The following DNM2 variants were observed in gnomAD, a reference collection of about 807,000 sequenced individuals.
DNM2 encodes dynamin 2.
A neutral mutation model predicts 99.0 loss-of-function variants in DNM2; 15 were observed. The observed-to-expected ratio is 0.15, with a 90% CI of 0.10 to 0.23. The LOEUF (loss-of-function observed/expected upper bound fraction) is 0.23. Ranked by LOEUF, DNM2 falls within the 10% of genes least tolerant of loss-of-function variation. DNM2 has a pLI of 1.00. For missense variants in DNM2, 742 were observed against 1,189.4 expected (o/e 0.62, Z 5.53); for synonymous variants, 525 against 481.2 (o/e 1.09, Z -1.19).
chr19:10,805,882 G>C (rs374570588), intron 12 of DNM2, 34 bp from the exon 13 acceptor site: 19 of 1,613,828 alleles, frequency 1.2e-5, no homozygotes, highest in Non-Finnish European at 1.6e-5. Flanking sequence ...CCGGCATCTT[G>C]TCCACGTGAA....
Position 10,817,769 on chromosome 19 carries a change from G to A in DNM2, c.1672-2211G>A, listed in dbSNP as rs2146142042. ...AGGAGGAATGTCTGACTCTTTGGGG[G>A]TCGGGGGTGGGGAGGAGGGGCGCAC... On this transcript the variant is annotated intron_variant, in intron 15 of 20. Transcript: ENST00000389253. The surrounding 1 kb of genome is among the most constrained non-coding windows in gnomAD (Gnocchi z 4.6). Among the ~76,000 whole-genome samples, 1 of 124,202 alleles carries A rather than the reference G, an allele frequency of 8.1e-6. No individual in the cohort carries two copies. Among genetic ancestry groups the A allele is most frequent in the South Asian group, 3.2e-4 (1 of 3,168 alleles). The allele number at this position is 124,202 out of a possible 152,430, so 81.5% of individuals were successfully genotyped here. A position where few individuals can be genotyped will look rare whatever the true frequency, so the allele number is the denominator to read the frequency against.
chr19:10,724,987 C>T (rs919944685), intron 1 of DNM2, among the ~76,000 whole-genome samples: 2 of 152,214 alleles, frequency 1.3e-5, no homozygotes, highest in South Asian at 4.1e-4. Context: ...CACCAGTGCA[C>T]ATCGGATGCC....
intron 16 of DNM2, among the ~76,000 whole-genome samples, chr19:10,821,540 CT>C (rs3837949): frequency 1.3e-5 from 2 of 151,016 alleles, no homozygotes; most frequent in African/African-American, 2.4e-5. Context: ...GAAATCCTGA[CT>C]TTTTTTTTAA....
intron 1 of DNM2, among the ~76,000 whole-genome samples, chr19:10,731,039 C>G (rs75377925): frequency 6.5e-4 from 99 of 152,246 alleles, no homozygotes; most frequent in African/African-American, 2.2e-3. Context: ...CACACTTTCG[C>G]GGTGATGAGA....
intron 1 of DNM2, among the ~76,000 whole-genome samples, chr19:10,739,764 C>T (rs1479332309): frequency 1.4e-5 from 2 of 147,462 alleles, no homozygotes; most frequent in Non-Finnish European, 3.0e-5. Context: ...GGCTGAGGCA[C>T]GAGAATCTCT....
intron 2 of DNM2, among the ~76,000 whole-genome samples, chr19:10,760,020 G>C (rs2070563763): frequency 6.6e-6 from 1 of 151,936 alleles, no homozygotes; most frequent in Non-Finnish European, 1.5e-5. Flanking sequence ...AGAATGCCAG[G>C]TGCCATGTGT....
rs140788791 is a variant in DNM2, at chr19:10,775,872, C to T, written c.555C>T (p.Asp185=). The change falls in exon 4 of 21, where the codon GAC becomes GAT. Residue 185 remains aspartate, a synonymous_variant. Transcript: ENST00000389253. This position sits in a 1 kb window ranked among gnomAD's most constrained non-coding sequence, Gnocchi z 4.3. ...CCAACATGGACCTGGCCAACTCCGA[C>T]GCCCTCAAGCTGGCCAAGGAAGTCG... is the stretch of plus-strand genomic sequence containing the variant. ...TPANMDLANS[D]ALKLAKEVDP... is the part of the protein sequence containing the mutation. 209 of 1,613,492 alleles carry T rather than the reference C, an allele frequency of 1.3e-4. No individual in the cohort carries two copies. Among genetic ancestry groups the T allele is most frequent in the Non-Finnish European group, 1.7e-4 (203 of 1,180,034 alleles).
At chr19:10,799,534 G>GT (rs897961120) in intron 11 of DNM2, among the ~76,000 whole-genome samples, 3,155 of 106,484 alleles carry the variant, frequency 0.03, 44 homozygotes, top group Non-Finnish European at 0.039. Context: ...GTGGTTTTTT[G>GT]TTTTTTTTTT....
intron 2 of DNM2, among the ~76,000 whole-genome samples, chr19:10,770,857 T>C (rs1239968112): frequency 6.6e-6 from 1 of 152,142 alleles, no homozygotes; most frequent in East Asian, 1.9e-4. Context: ...CACAAGGGAA[T>C]TATGGGAGCT....
intron 1 of DNM2, among the ~76,000 whole-genome samples, chr19:10,749,034 G>A (rs773271178): frequency 6.6e-6 from 1 of 152,190 alleles, no homozygotes; most frequent in Non-Finnish European, 1.5e-5. Context: ...AGACTGTGCT[G>A]AGCATATGGT....
rs557278707 is a variant in DNM2, at chr19:10,804,363, G to C, written c.1494-1553G>C. Reference sequence around the variant, plus strand: ...AATCCTTCTTGTGCTTGAATGTTCTGGGCTTCCCATTGCCCTCCAAATGTA... The same window carrying C: ...AATCCTTCTTGTGCTTGAATGTTCTCGGCTTCCCATTGCCCTCCAAATGTA... On this transcript the variant is annotated intron_variant, in intron 12 of 20. Transcript: ENST00000389253. 4.5e-4 allele frequency among the ~76,000 whole-genome samples: 68 copies of C among 152,190 alleles called. No individual in the cohort carries two copies. In the South Asian group the frequency reaches 0.013, roughly 28 times the overall value.
chr19:10,762,588 G>T (rs2145868790), intron 2 of DNM2, among the ~76,000 whole-genome samples: 1 of 152,302 alleles, frequency 6.6e-6, no homozygotes, highest in East Asian at 1.9e-4. Flanking sequence ...GAGAGCCTTG[G>T]CCAGGAGGGA....
intron 3 of DNM2, among the ~76,000 whole-genome samples, chr19:10,774,892 C>T (rs990010089): frequency 1.3e-5 from 2 of 151,418 alleles, no homozygotes; most frequent in Admixed American, 1.3e-4. Flanking sequence ...GCCTTAGTCT[C>T]CTGAGTAGTT....
At chr19:10,724,420 G>A (rs1345190134) in intron 1 of DNM2, among the ~76,000 whole-genome samples, 1 of 152,122 alleles carries the variant, frequency 6.6e-6, no homozygotes, top group Admixed American at 6.6e-5. Flanking sequence ...TTCGTGATCC[G>A]CCCGCCTCGG....
At chr19:10,736,190 G>A (rs896247196) in intron 1 of DNM2, among the ~76,000 whole-genome samples, 3 of 151,862 alleles carry the variant, frequency 2.0e-5, no homozygotes, top group African/African-American at 7.3e-5. Flanking sequence ...ACTTGAACAC[G>A]GGAGGTGGAG....
At chr19:10,798,309 C>T (rs532964182) in intron 10 of DNM2, 177 bp from the exon 11 acceptor site, 1 of 634,936 alleles carries the variant, frequency 1.6e-6, no homozygotes, top group Non-Finnish European at 2.9e-6. Context: ...GGTGCCCCCA[C>T]TCTTCTGCTC....
intron 15 of DNM2, among the ~76,000 whole-genome samples, chr19:10,815,628 T>A (rs1599608969): frequency 6.6e-6 from 1 of 152,266 alleles, no homozygotes; most frequent in East Asian, 1.9e-4. Flanking sequence ...GAGGAGGAGC[T>A]GGAGGCTGTG....
At chr19:10,742,442 G>A (rs1306749284) in intron 1 of DNM2, among the ~76,000 whole-genome samples, 1 of 152,182 alleles carries the variant, frequency 6.6e-6, no homozygotes. Context: ...CCCTGGGTTT[G>A]TCCTGCTGAC....
chr19:10,747,866 CG>C (rs1599469332), intron 1 of DNM2, among the ~76,000 whole-genome samples: 2 of 151,156 alleles, frequency 1.3e-5, no homozygotes, highest in South Asian at 2.1e-4. Flanking sequence ...CTTCCTATGG[CG>C]GGGGGAGGGA....
Sources: allele counts gnomAD v4.1 joint callset (sites outside exome capture counted in the v4.1 genomes callset), GRCh38; gene constraint gnomAD v4.1.1; non-coding constraint Gnocchi (gnomAD v3.1); transcripts MANE v1.5; gene names NCBI Gene and HGNC (gene_info 2026-07-23, HGNC 2026-07-21).